MAPRE2: variants seen among roughly 807,000 people sequenced by gnomAD.
MAPRE2 encodes microtubule-associated protein RP/EB family member 2.
A neutral mutation model predicts 43.2 loss-of-function variants in MAPRE2; 13 were observed. That is an observed-to-expected ratio of 0.30 (90% CI 0.20 to 0.48). The LOEUF (loss-of-function observed/expected upper bound fraction) is 0.48, where lower values mean the gene tolerates loss of function less well. Ranked by LOEUF, MAPRE2 falls within the 20% of genes least tolerant of loss-of-function variation. The pLI, the probability that MAPRE2 is intolerant of heterozygous loss-of-function variation, is 0.99. For missense variants in MAPRE2, 161 were observed against 400.2 expected, an observed-to-expected ratio of 0.40 and a Z score of 5.10; for synonymous variants, 135 against 148.8, an observed-to-expected ratio of 0.91 and a Z score of 0.68.
intron 2 of MAPRE2, among the ~76,000 whole-genome samples, chr18:35,087,291 A>G (rs1376767303): frequency 6.6e-6 from 1 of 152,136 alleles, no homozygotes; most frequent in Non-Finnish European, 1.5e-5. Context: ...TCATTTCAGA[A>G]TCTTGTAGAC....
At chr18:35,040,913 A>G (rs761103092), upstream of MAPRE2, among the ~76,000 whole-genome samples, 11 of 152,184 alleles carry the variant, frequency 7.2e-5, no homozygotes, top group Non-Finnish European at 1.2e-4. Context: ...GGTTGCTGCT[A>G]TTTGGAGAAA....
intron 4 of MAPRE2, among the ~76,000 whole-genome samples, chr18:35,119,777 T>C (rs986226223): frequency 1.3e-5 from 2 of 152,250 alleles, no homozygotes; most frequent in Non-Finnish European, 2.9e-5. Flanking sequence ...GTTCACTGTG[T>C]AAAAACTGGG....
At chr18:35,033,803 C>T (rs1289410826) in intron 2 of MAPRE2, among the ~76,000 whole-genome samples, 1 of 149,142 alleles carries the variant, frequency 6.7e-6, no homozygotes, top group Non-Finnish European at 1.5e-5. Context: ...ATCCAACTTA[C>T]AAGGGATGTG....
intron 1 of MAPRE2, among the ~76,000 whole-genome samples, chr18:35,045,237 C>T (rs2150600932): frequency 6.6e-6 from 1 of 152,344 alleles, no homozygotes; most frequent in African/African-American, 2.4e-5. Flanking sequence ...ATGAGTCGTG[C>T]TCTGGATCTC....
At chr18:35,100,372 G>A (rs1355619954) in intron 3 of MAPRE2, among the ~76,000 whole-genome samples, 1 of 152,198 alleles carries the variant, frequency 6.6e-6, no homozygotes, top group Non-Finnish European at 1.5e-5. Context: ...CTGTTGGTAG[G>A]AGTATAAATT....
chr18:35,126,712 T>C (rs1488464669), intron 4 of MAPRE2, among the ~76,000 whole-genome samples: 2 of 152,124 alleles, frequency 1.3e-5, no homozygotes, highest in African/African-American at 4.8e-5. Flanking sequence ...TAACCTCATG[T>C]TACTTGAGGA....
At chr18:35,010,285 A>T (rs2097033865) in intron 2 of MAPRE2, among the ~76,000 whole-genome samples, 1 of 152,176 alleles carries the variant, frequency 6.6e-6, no homozygotes, top group Admixed American at 6.5e-5. Flanking sequence ...CCATGTCTGT[A>T]GTTGCAGCTA....
chr18:34,992,624 G>A (rs1268027982), intron 1 of MAPRE2, among the ~76,000 whole-genome samples: 2 of 152,090 alleles, frequency 1.3e-5, no homozygotes, highest in Non-Finnish European at 2.9e-5. Context: ...AATAGAGTGG[G>A]AACTATATTT....
At chr18:35,055,537 C>CTCTG (rs1555914066) in intron 1 of MAPRE2, among the ~76,000 whole-genome samples, 359 of 146,696 alleles carry the variant, frequency 2.4e-3, no homozygotes, top group African/African-American at 8.0e-3. Context: ...ATTCAGTTCT[C>CTCTG]TGTGTGTGTG....
chr18:35,133,122 C>G (rs1252395553), intron 6 of MAPRE2, among the ~76,000 whole-genome samples: 2 of 152,112 alleles, frequency 1.3e-5, no homozygotes, highest in East Asian at 3.9e-4. Context: ...ACATAGCAAG[C>G]CATCAGCAAG....
At chr18:34,985,254 T>A (rs1189077902) in intron 1 of MAPRE2, among the ~76,000 whole-genome samples, 1 of 52,848 alleles carries the variant, frequency 1.9e-5, no homozygotes, top group East Asian at 7.9e-4. Flanking sequence ...ATAAAATATA[T>A]AATATAATAT....
chr18:35,113,978 C>T (rs1373818678), intron 4 of MAPRE2, among the ~76,000 whole-genome samples: 3 of 152,160 alleles, frequency 2.0e-5, no homozygotes, highest in Non-Finnish European at 4.4e-5. Context: ...ATCCTAAGAA[C>T]TTAATATGTA....
intron 1 of MAPRE2, among the ~76,000 whole-genome samples, chr18:34,985,357 A>G (rs1304858184): frequency 2.4e-5 from 1 of 41,004 alleles, no homozygotes; most frequent in East Asian, 1.1e-3. Flanking sequence ...TATTATATAT[A>G]TAATATAATA....
chr18:34,998,771 A>ATTTTTTTTTTTTTT (rs1568966928), intron 1 of MAPRE2, among the ~76,000 whole-genome samples: 1 of 111,220 alleles, frequency 9.0e-6, no homozygotes, highest in African/African-American at 4.1e-5. Flanking sequence ...CCGAAGTTGC[A>ATTTTTTTTTTTTTT]ATTTTTTTTT....
At chr18:34,978,959 G>T (rs2097014646) in intron 1 of MAPRE2, among the ~76,000 whole-genome samples, 3 of 152,236 alleles carry the variant, frequency 2.0e-5, no homozygotes, top group African/African-American at 7.2e-5. Context: ...AACAACTCCT[G>T]GTAACTTCAT....
chr18:35,113,165 AC>A, intron 4 of MAPRE2, among the ~76,000 whole-genome samples: 1 of 152,146 alleles, frequency 6.6e-6, no homozygotes, highest in South Asian at 2.1e-4. Flanking sequence ...GATGATAAAA[AC>A]CCCAGCATAA....
At chr18:35,110,561 A>G (rs992731179) in intron 4 of MAPRE2, among the ~76,000 whole-genome samples, 2 of 152,130 alleles carry the variant, frequency 1.3e-5, no homozygotes, top group African/African-American at 4.8e-5. Flanking sequence ...CTGAACACCC[A>G]AGTTCCCTAG....
chr18:35,071,669 T>G (rs1480572697), intron 2 of MAPRE2, among the ~76,000 whole-genome samples: 3 of 152,174 alleles, frequency 2.0e-5, no homozygotes, highest in Non-Finnish European at 2.9e-5. Context: ...TACAGTGCAG[T>G]TAGAATTTCA....
At chr18:35,009,610 A>G (rs796786111) in intron 2 of MAPRE2, among the ~76,000 whole-genome samples, 33 of 152,274 alleles carry the variant, frequency 2.2e-4, no homozygotes, top group African/African-American at 7.7e-4. Flanking sequence ...ACTTGTACTG[A>G]CCAACATTCC....
Sources: gnomAD v4.1 joint callset for allele counts (sites outside exome capture counted in the v4.1 genomes callset) on GRCh38, gnomAD v4.1.1 for gene constraint, MANE v1.5 for transcripts, NCBI Gene and HGNC (gene_info 2026-07-23, HGNC 2026-07-21) for gene names.